Variants in FAM219A observed in about 807,000 individuals in gnomAD.
FAM219A encodes the protein protein FAM219A.
FAM219A carries 7 observed loss-of-function variants against 23.4 expected under a neutral mutation model. That is an observed-to-expected ratio of 0.30 (90% CI 0.17 to 0.56). The LOEUF is 0.56. Among genes scored for constraint, FAM219A ranks in the 20% least tolerant of loss-of-function variants. The pLI, the probability that FAM219A is intolerant of heterozygous loss-of-function variation, is 0.92. For missense variants in FAM219A, 166 were observed against 246.9 expected (o/e 0.67, Z 2.20); for synonymous variants, 93 against 99.0 (o/e 0.94, Z 0.36).
chr9:34,437,317 A>G (rs1316592961), intron 1 of FAM219A, among the ~76,000 whole-genome samples: 1 of 152,178 alleles, frequency 6.6e-6, no homozygotes, highest in African/African-American at 2.4e-5. Flanking sequence ...GGAGGCTACA[A>G]AGGATCCATG....
chr9:34,406,879 T>C (rs1374350869), intron 1 of FAM219A, among the ~76,000 whole-genome samples: 2 of 149,942 alleles, frequency 1.3e-5, no homozygotes, highest in Non-Finnish European at 3.0e-5. Context: ...CTTGGCTTAC[T>C]GCAACCTCCG....
intron 1 of FAM219A, among the ~76,000 whole-genome samples, chr9:34,429,887 G>A (rs762078410): frequency 9.2e-5 from 14 of 152,022 alleles, no homozygotes; most frequent in Non-Finnish European, 1.3e-4. Flanking sequence ...TGCTCCCTTC[G>A]TCCAGATTGA....
Position 34,457,204 on chromosome 9 carries a change from A to G in FAM219A, c.60+1000T>C, listed in dbSNP as rs1395019234. The stretch of plus-strand genomic sequence containing the variant: ...GGGGGATAAAGCGAACACAGCCTAG[A>G]CATTCCCTCTCTTCCCCCCTCACTA... On this transcript the variant is annotated intron_variant, in intron 1 of 5. Coordinates refer to ENST00000651358, the MANE Select transcript of FAM219A (RefSeq NM_001184940.2). This position sits in a 1 kb window ranked among gnomAD's most constrained non-coding sequence, Gnocchi z 5.1. Among the ~76,000 whole-genome samples the G allele has an allele frequency of 6.6e-6, 1 of 152,184 alleles. No homozygotes were observed. Among genetic ancestry groups the G allele is most frequent in the Non-Finnish European group, 1.5e-5 (1 of 68,032 alleles).
intron 1 of FAM219A, among the ~76,000 whole-genome samples, chr9:34,445,074 T>C (rs1178729199): frequency 1.3e-5 from 2 of 152,192 alleles, no homozygotes; most frequent in Non-Finnish European, 2.9e-5. Flanking sequence ...TCTCCCTTAA[T>C]TCCCCAACAT....
intron 1 of FAM219A, among the ~76,000 whole-genome samples, chr9:34,443,089 G>A (rs949375303): frequency 2.6e-5 from 4 of 152,172 alleles, no homozygotes; most frequent in African/African-American, 9.7e-5. Context: ...TAGGGGGTAT[G>A]TGTTTGAAGA....
At chr9:34,405,466 G>A (rs144857082) in intron 2 of FAM219A, among the ~76,000 whole-genome samples, 8 of 152,270 alleles carry the variant, frequency 5.3e-5, no homozygotes, top group African/African-American at 9.6e-5. Context: ...AGAGGGGCTC[G>A]GCTTCTAGGG....
intron 1 of FAM219A, among the ~76,000 whole-genome samples, chr9:34,435,840 G>GT (rs1446965867): frequency 6.6e-6 from 1 of 151,468 alleles, no homozygotes. Flanking sequence ...GAGTCTCACT[G>GT]TATCACCCAG....
At chr9:34,429,032 T>A (rs1588055130) in intron 1 of FAM219A, among the ~76,000 whole-genome samples, 1 of 152,326 alleles carries the variant, frequency 6.6e-6, no homozygotes, top group East Asian at 1.9e-4. Context: ...CCTCTTGAGG[T>A]GGGCTGGGGG....
At chr9:34,421,913 G>C (rs767417558) in intron 1 of FAM219A, among the ~76,000 whole-genome samples, 1 of 152,164 alleles carries the variant, frequency 6.6e-6, no homozygotes, top group South Asian at 2.1e-4. Context: ...TTAGCTCCCA[G>C]GTGGTACCAA....
intron 1 of FAM219A, among the ~76,000 whole-genome samples, chr9:34,412,058 A>G (rs1407892913): frequency 6.6e-6 from 1 of 152,106 alleles, no homozygotes; most frequent in African/African-American, 2.4e-5. Context: ...TTTTTTCTTT[A>G]CTCAGAAGAT....
At chr9:34,402,326 C>A (rs1219634839) in intron 4 of FAM219A, 61 bp downstream of exon 4, 1 of 1,614,034 alleles carries the variant, frequency 6.2e-7, no homozygotes, top group Non-Finnish European at 8.5e-7. Flanking sequence ...GCCTGTACAG[C>A]CCACTTGTGC....
chr9:34,429,108 C>A (rs1822597759), intron 1 of FAM219A, among the ~76,000 whole-genome samples: 1 of 152,222 alleles, frequency 6.6e-6, no homozygotes, highest in Non-Finnish European at 1.5e-5. Flanking sequence ...ACCAAAAGTT[C>A]TTTTCTTCTC....
At chr9:34,420,320 A>G (rs1822218296) in intron 1 of FAM219A, among the ~76,000 whole-genome samples, 1 of 152,224 alleles carries the variant, frequency 6.6e-6, no homozygotes, top group Admixed American at 6.5e-5. Flanking sequence ...CGATAATGGT[A>G]GCGATATTAT....
Position 34,458,103 on chromosome 9 carries a change from C to T in FAM219A, c.60+101G>A, listed in dbSNP as rs558568694. ...GTTTTCAGGGATCTCTTTGCCCCATCCGATGGCGCCCCTCCGCACGATCCC... is the reference window on the plus strand; with the variant it reads ...GTTTTCAGGGATCTCTTTGCCCCATTCGATGGCGCCCCTCCGCACGATCCC... On this transcript the variant is annotated intron_variant, in intron 1 of 5. Transcript: ENST00000651358. The surrounding 1 kb of genome is among the most constrained non-coding windows in gnomAD (Gnocchi z 6.6). 100 of 1,140,436 alleles carry T rather than the reference C, an allele frequency of 8.8e-5. No individual in the cohort carries two copies. The African/African-American group carries it at 1.5e-3, about 17-fold the overall frequency. The allele number at this position is 1,140,436 out of a possible 1,614,324, so 70.6% of individuals were successfully genotyped here.
chr9:34,430,759 C>T (rs1206906361), intron 1 of FAM219A, among the ~76,000 whole-genome samples: 2 of 152,000 alleles, frequency 1.3e-5, no homozygotes, highest in African/African-American at 4.8e-5. Context: ...GGAGGATCAC[C>T]TGAGCCTAGG....
chr9:34,451,652 C>T (rs1332161820), intron 1 of FAM219A, among the ~76,000 whole-genome samples: 6 of 152,144 alleles, frequency 3.9e-5, no homozygotes, highest in Non-Finnish European at 7.3e-5. Context: ...GCTATATAGG[C>T]AGTCAAGGGC....
chr9:34,434,622 T>C (rs956656215), intron 1 of FAM219A, among the ~76,000 whole-genome samples: 3 of 152,124 alleles, frequency 2.0e-5, no homozygotes, highest in African/African-American at 7.2e-5. Flanking sequence ...ACAACACTAA[T>C]GGGAGGAAGG....
chr9:34,437,756 C>T (rs1021198606), intron 1 of FAM219A, among the ~76,000 whole-genome samples: 1 of 152,254 alleles, frequency 6.6e-6, no homozygotes, highest in East Asian at 1.9e-4. Flanking sequence ...GAGGTGACAG[C>T]GTGCTGGCAG....
At chr9:34,438,266 A>G (rs535147455) in intron 1 of FAM219A, among the ~76,000 whole-genome samples, 33 of 152,284 alleles carry the variant, frequency 2.2e-4, no homozygotes, top group African/African-American at 6.3e-4. Flanking sequence ...TGCCTCCCCA[A>G]TGAGCGCCAC....
Sources: gnomAD v4.1 joint callset for allele counts (sites outside exome capture counted in the v4.1 genomes callset) on GRCh38, gnomAD v4.1.1 for gene constraint, Gnocchi (gnomAD v3.1) non-coding constraint, MANE v1.5 for transcripts, NCBI Gene and HGNC (gene_info 2026-07-23, HGNC 2026-07-21) for gene names.